The following BICDL1 variants were observed in gnomAD, a reference collection of about 807,000 sequenced individuals.
BICDL1 encodes the protein BICD family like cargo adaptor 1.
Under a neutral mutation model 76.8 loss-of-function variants are expected in BICDL1, and 20 were observed. The ratio of observed to expected loss-of-function variants is 0.26; its 90% CI spans 0.18 to 0.38. The LOEUF is 0.38. BICDL1 is among the 10% of genes least tolerant of loss of function. The pLI, the probability that BICDL1 is intolerant of heterozygous loss-of-function variation, is 1.00. For missense variants in BICDL1, 700 were observed against 798.6 expected, an observed-to-expected ratio of 0.88 and a Z score of 1.49; for synonymous variants, 383 against 337.1, an observed-to-expected ratio of 1.14 and a Z score of -1.49.
Position 120,016,434 on chromosome 12 carries a change from CTTTTTT to C in BICDL1, c.645+17716_645+17721del, listed in dbSNP as rs1174613877. 4.3e-3 allele frequency among the ~76,000 whole-genome samples: 413 copies of C among 95,906 alleles called. 2 individuals are homozygous for C. Among genetic ancestry groups the C allele is most frequent in the African/African-American group, 0.017 (402 of 23,196 alleles). The allele number at this position is 95,906 out of a possible 152,430, so 62.9% of individuals were successfully genotyped here. ...AATTGCTATATGGTATGTCTGTAAC[CTTTTTT>C]TTTTTTTTTTTTTTTTTGAGACAGG... is the stretch of plus-strand genomic sequence containing the variant. On this transcript the variant is annotated intron_variant, in intron 2 of 9. Transcript: ENST00000548673.
At position 119,989,841 on chromosome 12, in the gene BICDL1, ACCGCTGCGGGCTCC is replaced by A. The variant is rs1951474752; in HGVS notation, c.-27_-14del. ...GCCTGGCGCGCGCGGGCCGGGCCGCACCGCTGCGGGCTCCGCGCGCGCGGGCCATGTCCGCTTTC... is the reference window on the plus strand; with the variant it reads ...GCCTGGCGCGCGCGGGCCGGGCCGCAGCGCGCGCGGGCCATGTCCGCTTTC... On this transcript the variant is annotated 5_prime_UTR_variant, in exon 1 of 10. Coordinates refer to ENST00000548673, the MANE Select transcript of BICDL1 (RefSeq NM_001367886.1). The A allele has an allele frequency of 8.0e-7, 1 of 1,254,986 alleles. No individual in the cohort carries two copies. The highest frequency in any genetic ancestry group is 4.5e-5 in the Admixed American group (1 of 22,070). 77.7% of individuals were successfully genotyped at this position (1,254,986 alleles called of 1,614,324 possible). A position where few individuals can be genotyped will look rare whatever the true frequency, so the allele number is the denominator to read the frequency against.
chr12:120,065,157 T>C (rs1953193119), intron 4 of BICDL1, among the ~76,000 whole-genome samples: 2 of 152,216 alleles, frequency 1.3e-5, no homozygotes, highest in South Asian at 4.1e-4. Context: ...TTAACATGGC[T>C]GGAACACCAG....
intron 2 of BICDL1, chr12:120,056,952 G>A (rs1471490656): frequency 4.8e-6 from 2 of 417,364 alleles, no homozygotes; most frequent in Admixed American, 2.9e-5. Flanking sequence ...AGAGCAGAGG[G>A]GAGGCTGGGC....
intron 2 of BICDL1, among the ~76,000 whole-genome samples, chr12:120,033,353 T>C (rs895082972): frequency 6.8e-6 from 1 of 146,060 alleles, no homozygotes; most frequent in Admixed American, 6.9e-5. Flanking sequence ...AGTTTTCCTG[T>C]GGAGAGTTCT....
intron 2 of BICDL1, among the ~76,000 whole-genome samples, chr12:120,017,694 T>C (rs888167549): frequency 1.3e-5 from 2 of 151,672 alleles, no homozygotes; most frequent in Non-Finnish European, 2.9e-5. Context: ...ATTACACCAC[T>C]GTACTCCAGC....
At chr12:120,037,948 A>G (rs1952558327) in intron 2 of BICDL1, among the ~76,000 whole-genome samples, 3 of 152,194 alleles carry the variant, frequency 2.0e-5, no homozygotes, top group African/African-American at 7.2e-5. Context: ...CTCCCTCACT[A>G]TCCTAGAGAA....
intron 2 of BICDL1, among the ~76,000 whole-genome samples, chr12:120,000,074 C>T (rs926228765): frequency 5.3e-5 from 8 of 151,946 alleles, no homozygotes; most frequent in African/African-American, 9.7e-5. Context: ...AGTGAAAAAA[C>T]GTGTCTCACA....
intron 3 of BICDL1, among the ~76,000 whole-genome samples, chr12:120,063,322 C>T (rs1159463748): frequency 6.6e-6 from 1 of 152,094 alleles, no homozygotes; most frequent in Non-Finnish European, 1.5e-5. Context: ...CCTTTTGGTC[C>T]CCTACCCAGA....
At chr12:120,007,664 G>C (rs73408793) in intron 2 of BICDL1, among the ~76,000 whole-genome samples, 3,894 of 152,304 alleles carry the variant, frequency 0.026, 169 homozygotes, top group African/African-American at 0.088. Flanking sequence ...TCTCTGAAAA[G>C]ACTAATTTTC....
chr12:120,034,122 G>C (rs1437391999), intron 2 of BICDL1, among the ~76,000 whole-genome samples: 1 of 152,136 alleles, frequency 6.6e-6, no homozygotes, highest in East Asian at 1.9e-4. Flanking sequence ...TAAACTTGCT[G>C]TTCTCATTTT....
chr12:120,018,663 A>G (rs758065817), intron 2 of BICDL1, among the ~76,000 whole-genome samples: 4 of 147,302 alleles, frequency 2.7e-5, no homozygotes, highest in Non-Finnish European at 3.0e-5. Context: ...GCAGTTGCAC[A>G]TTTTCCTCAT....
chr12:120,059,659 C>T (rs145893097), intron 2 of BICDL1, among the ~76,000 whole-genome samples: 1 of 152,076 alleles, frequency 6.6e-6, no homozygotes, highest in African/African-American at 2.4e-5. Context: ...ATCCAGCCAC[C>T]TCAGGCTCCC....
At chr12:120,074,074 C>T (rs1048675785) in intron 6 of BICDL1, among the ~76,000 whole-genome samples, 3 of 152,042 alleles carry the variant, frequency 2.0e-5, no homozygotes, top group Non-Finnish European at 2.9e-5. Context: ...CCACCACACC[C>T]GGCTAATTTT....
intron 9 of BICDL1, chr12:120,090,793 C>A: frequency 1.1e-6 from 1 of 950,184 alleles, no homozygotes; most frequent in South Asian, 1.4e-5. Flanking sequence ...ATGGGGCTGG[C>A]AGCCAGAACA....
At chr12:120,064,524 T>A in intron 3 of BICDL1, 1 of 347,368 alleles carries the variant, frequency 2.9e-6, no homozygotes, top group Non-Finnish European at 5.2e-6. Context: ...AGAGCTCAAC[T>A]CCTACTCCTT....
intron 2 of BICDL1, among the ~76,000 whole-genome samples, chr12:120,025,794 TGTG>T (rs759063185): frequency 5.9e-5 from 9 of 152,320 alleles, no homozygotes; most frequent in East Asian, 3.9e-4. Context: ...TTAATAGTAT[TGTG>T]GTATATATTT....
rs1166200685 is a variant in BICDL1 at position 120,021,307 on chromosome 12, C to T, written c.645+22571C>T. ...TCAAAAAAAAAAAGGAGAGAATAGG[C>T]AGGGCACGGTGGCTAACATCTGTAA... On this transcript the variant is annotated intron_variant, in intron 2 of 9. Coordinates refer to ENST00000548673, the MANE Select transcript of BICDL1 (RefSeq NM_001367886.1). Among the ~76,000 whole-genome samples the T allele has an allele frequency of 4.1e-5, 6 of 146,590 alleles. No homozygotes were observed. The South Asian group carries it at 6.5e-4, about 16-fold the overall frequency.
chr12:119,998,993 G>C lies in BICDL1; in HGVS notation c.645+257G>C, dbSNP rs570381036. Among the ~76,000 whole-genome samples, 280 of 149,290 alleles carry C rather than the reference G, an allele frequency of 1.9e-3. 1 individual carries two copies. Among genetic ancestry groups the C allele is most frequent in the African/African-American group, 6.7e-3 (271 of 40,268 alleles). On this transcript the variant is annotated intron_variant, in intron 2 of 9. Transcript: ENST00000548673. ...GATCGCTTGAGCCCAGGAGGTCAAG[G>C]CTGCAGTGAGCTGTGATCAGTCATG... is the stretch of plus-strand genomic sequence containing the variant.
chr12:120,001,691 T>TC (rs1470642665), intron 2 of BICDL1, among the ~76,000 whole-genome samples: 2 of 152,212 alleles, frequency 1.3e-5, no homozygotes, highest in African/African-American at 4.8e-5. Context: ...GGGCTGCTCT[T>TC]CTCTTTATTA....
Sources: gnomAD v4.1 joint callset for allele counts (sites outside exome capture counted in the v4.1 genomes callset) on GRCh38, gnomAD v4.1.1 for gene constraint, MANE v1.5 for transcripts, NCBI Gene and HGNC (gene_info 2026-07-23, HGNC 2026-07-21) for gene names.